Variants in GRAP2 observed in about 807,000 individuals in gnomAD.
GRAP2 encodes the protein GRB2-related adapter protein 2.
A neutral mutation model predicts 43.5 loss-of-function variants in GRAP2; 31 were observed. That is an observed-to-expected ratio of 0.71 (90% confidence interval 0.54 to 0.96). The LOEUF (loss-of-function observed/expected upper bound fraction) is 0.96, where lower values mean the gene tolerates loss of function less well. Among genes scored for constraint, GRAP2 ranks in the 40% least tolerant of loss-of-function variants. The pLI, the probability that GRAP2 is intolerant of heterozygous loss-of-function variation, is 0.00. For synonymous variants in GRAP2, 156 were observed against 164.8 expected, an observed-to-expected ratio of 0.95 and a Z score of 0.41; for missense variants, 371 against 424.4, an observed-to-expected ratio of 0.87 and a Z score of 1.11.
intron 2 of GRAP2, chr22:39,948,179 T>C (rs1199464979): frequency 6.6e-6 from 1 of 152,286 alleles, no homozygotes; most frequent in East Asian, 1.9e-4. Flanking sequence ...CACCACAGAA[T>C]GGCTTCTTTT....
intron 4 of GRAP2, among the ~76,000 whole-genome samples, chr22:39,965,218 C>T (rs186960548): frequency 2.0e-5 from 3 of 152,266 alleles, no homozygotes; most frequent in African/African-American, 4.8e-5. Context: ...GGCGAAACCC[C>T]GTCTTTACTA....
At chr22:39,952,478 G>C (rs1424498522) in intron 2 of GRAP2, among the ~76,000 whole-genome samples, 1 of 152,206 alleles carries the variant, frequency 6.6e-6, no homozygotes, top group Non-Finnish European at 1.5e-5. Flanking sequence ...GATGGATGGA[G>C]TGCAGTGTGC....
chr22:39,956,669 A>G (rs1476134915), intron 3 of GRAP2, among the ~76,000 whole-genome samples: 1 of 150,782 alleles, frequency 6.6e-6, no homozygotes, highest in Non-Finnish European at 1.5e-5. Context: ...GGGTTTCACC[A>G]TGATGGACAG....
chr22:39,901,189 C>A lies in GRAP2; in HGVS notation c.-156C>A. 1.4e-6 allele frequency: 1 copy of A among 693,944 alleles called. No individual in the cohort carries two copies. Among genetic ancestry groups the A allele is most frequent in the Non-Finnish European group, 2.2e-6 (1 of 445,250 alleles). The allele number at this position is 693,944 out of a possible 1,614,324, so 43.0% of individuals were successfully genotyped here. ...ACTTGCACCCTCTTTCAGAGTGGTA[C>A]ATGGAAGACAGCACAAAGTGGATCC... is the stretch of plus-strand genomic sequence containing the variant. On this transcript the variant is annotated 5_prime_UTR_variant, in exon 1 of 8. Transcript: ENST00000344138.
chr22:39,968,428 C>T (rs1307981310), intron 6 of GRAP2, 156 bp downstream of exon 6: 3 of 709,406 alleles, frequency 4.2e-6, no homozygotes, highest in South Asian at 1.9e-5. Flanking sequence ...TTGGCAAAGA[C>T]ATCTCTATGA....
chr22:39,960,025 T>C, intron 3 of GRAP2, 30 bp from the exon 4 acceptor site: 1 of 1,611,662 alleles, frequency 6.2e-7, no homozygotes, highest in Non-Finnish European at 8.5e-7. Context: ...TGTCTCATCC[T>C]GATCCTTTTG....
intron 2 of GRAP2, among the ~76,000 whole-genome samples, chr22:39,950,547 C>T (rs1380581857): frequency 2.0e-5 from 3 of 152,246 alleles, no homozygotes; most frequent in Admixed American, 2.0e-4. Context: ...TCTCCATTCC[C>T]TGAGAGCAAT....
At chr22:39,947,486 G>A (rs2066936114) in intron 2 of GRAP2, 1 of 373,170 alleles carries the variant, frequency 2.7e-6, no homozygotes. Context: ...GAGGGAACAA[G>A]TGATTCCATC....
intron 1 of GRAP2, among the ~76,000 whole-genome samples, chr22:39,915,300 G>A (rs1237279946): frequency 6.6e-6 from 1 of 151,838 alleles, no homozygotes; most frequent in East Asian, 1.9e-4. Context: ...GTGTTTCACG[G>A]GGCACTGCTC....
chr22:39,907,359 C>G (rs1030354359), intron 1 of GRAP2, among the ~76,000 whole-genome samples: 5 of 152,186 alleles, frequency 3.3e-5, no homozygotes, highest in African/African-American at 1.2e-4. Context: ...GTGGGAAATT[C>G]TGGTGTCCAT....
At chr22:39,960,775 CT>C (rs1262772212) in intron 4 of GRAP2, 1 of 152,412 alleles carries the variant, frequency 6.6e-6, no homozygotes, top group East Asian at 1.9e-4. Context: ...TAATCAAAGA[CT>C]TGTGTGACAC....
At chr22:39,931,226 A>G (rs1467301636) in intron 1 of GRAP2, among the ~76,000 whole-genome samples, 2 of 152,244 alleles carry the variant, frequency 1.3e-5, no homozygotes, top group East Asian at 3.8e-4. Context: ...AGCCTTGTGA[A>G]GTTAAGCAGC....
At position 39,966,161 on chromosome 22, in the gene GRAP2, A is replaced by G; in HGVS notation, c.459+3A>G. On this transcript the variant is annotated splice_donor_region_variant and intron_variant, in intron 5 of 7. Coordinates refer to ENST00000344138, the MANE Select transcript of GRAP2 (RefSeq NM_004810.4). ...GAGACAGAACCCGAGAAGACCAGGT[A>G]TGCTCCAGATCCAGTCGACCCCAAT... 1 of 1,613,190 alleles carries G rather than the reference A, an allele frequency of 6.2e-7. No homozygotes were observed. Among genetic ancestry groups the G allele is most frequent in the East Asian group, 2.2e-5 (1 of 44,866 alleles).
At chr22:39,915,777 A>G (rs1016399029) in intron 1 of GRAP2, among the ~76,000 whole-genome samples, 2 of 152,226 alleles carry the variant, frequency 1.3e-5, no homozygotes, top group Non-Finnish European at 2.9e-5. Context: ...TTACTGTATT[A>G]TATGACTTTA....
chr22:39,969,488 C>T lies in GRAP2; in HGVS notation c.768C>T (p.Leu256=). The change falls in exon 7 of 8, where the codon CTC becomes CTT. Residue 256 remains leucine, a synonymous_variant. Coordinates refer to ENST00000344138, the MANE Select transcript of GRAP2 (RefSeq NM_004810.4). ...TGLGSEMNAA[L]MHRRHTDPVQ... Reference sequence around the variant, plus strand: ...TGGGCAGTGAAATGAATGCGGCCCTCATGCATCGGAGACACACAGACCCAG... The same window carrying T: ...TGGGCAGTGAAATGAATGCGGCCCTTATGCATCGGAGACACACAGACCCAG... 6.2e-7 allele frequency: 1 copy of T among 1,614,000 alleles called. No individual in the cohort carries two copies. Among genetic ancestry groups the T allele is most frequent in the Admixed American group, 1.7e-5 (1 of 60,016 alleles).
At chr22:39,901,966 C>A (rs2066496249) in intron 1 of GRAP2, among the ~76,000 whole-genome samples, 1 of 152,188 alleles carries the variant, frequency 6.6e-6, no homozygotes. Flanking sequence ...CCCAACTCTT[C>A]CTGAACGTGA....
At chr22:39,957,147 G>A (rs2067063103) in intron 3 of GRAP2, among the ~76,000 whole-genome samples, 1 of 152,204 alleles carries the variant, frequency 6.6e-6, no homozygotes, top group Non-Finnish European at 1.5e-5. Context: ...AGCTCAAAGA[G>A]CAAAAGCTTG....
chr22:39,947,956 C>CCCTCAGATAGCCTGATCCCTGGT (rs1319410807), intron 2 of GRAP2: 2 of 152,322 alleles, frequency 1.3e-5, no homozygotes, highest in African/African-American at 2.4e-5. Flanking sequence ...CCTCAGAGCA[C>CCCTCAGATAGCCTGATCCCTGGT]CCTCAGATAG....
At chr22:39,930,507 T>C (rs2066746139) in intron 1 of GRAP2, among the ~76,000 whole-genome samples, 1 of 152,212 alleles carries the variant, frequency 6.6e-6, no homozygotes, top group Non-Finnish European at 1.5e-5. Context: ...TAAAAACATG[T>C]GGAAAGACCC....
Sources: allele counts gnomAD v4.1 joint callset (sites outside exome capture counted in the v4.1 genomes callset), GRCh38; gene constraint gnomAD v4.1.1; transcripts MANE v1.5; gene names NCBI Gene and HGNC (gene_info 2026-07-23, HGNC 2026-07-21).